Variants in GABBR2 observed in about 807,000 individuals in gnomAD.
GABBR2 encodes the protein gamma-aminobutyric acid type B receptor subunit 2, also known as G-protein coupled receptor 51.
GABBR2 carries 23 observed loss-of-function variants against 105.6 expected under a neutral mutation model. The observed-to-expected ratio is 0.22, with a 90% CI of 0.16 to 0.31. GABBR2 has a LOEUF of 0.31. Among genes scored for constraint, GABBR2 ranks in the 10% least tolerant of loss-of-function variants. The pLI is 1.00. For synonymous variants in GABBR2, 478 were observed against 499.7 expected (o/e 0.96, Z 0.58); for missense variants, 734 against 1,245.5 (o/e 0.59, Z 6.18).
intron 2 of GABBR2, among the ~76,000 whole-genome samples, chr9:98,547,486 T>C (rs1306620263): frequency 8.4e-6 from 1 of 119,028 alleles, no homozygotes; most frequent in African/African-American, 2.7e-5. Flanking sequence ...ATCTGTATGT[T>C]GTCTCCTCAT....
chr9:98,317,609 G>T (rs559672889), intron 13 of GABBR2, among the ~76,000 whole-genome samples: 62 of 152,212 alleles, frequency 4.1e-4, no homozygotes, highest in Admixed American at 8.5e-4. Flanking sequence ...ATGGGAGTCT[G>T]AGTCATTGGG....
chr9:98,364,383 T>C (rs1831640203), intron 12 of GABBR2, among the ~76,000 whole-genome samples: 1 of 152,208 alleles, frequency 6.6e-6, no homozygotes, highest in African/African-American at 2.4e-5. Flanking sequence ...CAGCTATTCC[T>C]GACCCCTGGA....
intron 7 of GABBR2, among the ~76,000 whole-genome samples, chr9:98,431,320 G>T (rs1402628601): frequency 6.6e-6 from 1 of 151,978 alleles, no homozygotes; most frequent in East Asian, 1.9e-4. Flanking sequence ...ATTTAATATG[G>T]CAAGAACTGA....
chr9:98,698,377 A>G (rs1403324833), intron 1 of GABBR2, among the ~76,000 whole-genome samples: 1 of 152,230 alleles, frequency 6.6e-6, no homozygotes. Flanking sequence ...TCAGAAAGGT[A>G]GAAAATCGGC....
At chr9:98,618,941 C>G (rs1164034889) in intron 1 of GABBR2, among the ~76,000 whole-genome samples, 1 of 152,150 alleles carries the variant, frequency 6.6e-6, no homozygotes, top group Non-Finnish European at 1.5e-5. Flanking sequence ...TAGTTTAGGC[C>G]TGGCCTGACT....
intron 7 of GABBR2, among the ~76,000 whole-genome samples, chr9:98,425,514 T>C (rs990975640): frequency 6.6e-6 from 1 of 152,198 alleles, no homozygotes; most frequent in Non-Finnish European, 1.5e-5. Flanking sequence ...TGTGCTGGGC[T>C]CTAGGTATAA....
chr9:98,553,433 A>C (rs1267731614), intron 2 of GABBR2, among the ~76,000 whole-genome samples: 1 of 151,976 alleles, frequency 6.6e-6, no homozygotes, highest in African/African-American at 2.4e-5. Context: ...ATCTCTACAA[A>C]AAAATGCAAA....
At chr9:98,295,251 A>G (rs1473474319) in intron 17 of GABBR2, among the ~76,000 whole-genome samples, 1 of 152,220 alleles carries the variant, frequency 6.6e-6, no homozygotes, top group African/African-American at 2.4e-5. Context: ...AAGGTGATGC[A>G]CTGCCTTAGC....
chr9:98,665,128 G>C (rs1189278848), intron 1 of GABBR2, among the ~76,000 whole-genome samples: 1 of 152,086 alleles, frequency 6.6e-6, no homozygotes, highest in Non-Finnish European at 1.5e-5. Flanking sequence ...AATTAGCCCA[G>C]TGTGGTGGCA....
At chr9:98,344,802 C>G (rs950691182) in intron 13 of GABBR2, among the ~76,000 whole-genome samples, 1 of 152,200 alleles carries the variant, frequency 6.6e-6, no homozygotes, top group Non-Finnish European at 1.5e-5. Context: ...ACTACACTCA[C>G]TCTCATGACT....
At chr9:98,363,053 T>C (rs940908512) in intron 12 of GABBR2, among the ~76,000 whole-genome samples, 2 of 152,098 alleles carry the variant, frequency 1.3e-5, no homozygotes, top group East Asian at 3.9e-4. Context: ...CCCAAACACA[T>C]ATGTGCATTT....
chr9:98,512,039 C>T (rs1396326739), intron 3 of GABBR2, among the ~76,000 whole-genome samples: 7 of 152,070 alleles, frequency 4.6e-5, no homozygotes, highest in African/African-American at 1.7e-4. Flanking sequence ...TCCAGCAGCA[C>T]ATCAAAAAGC....
chr9:98,312,093 G>C (rs992494769), intron 13 of GABBR2, among the ~76,000 whole-genome samples: 3 of 152,194 alleles, frequency 2.0e-5, no homozygotes, highest in Non-Finnish European at 4.4e-5. Flanking sequence ...GGATTCCCTT[G>C]CACAATCACA....
chr9:98,691,765 A>G (rs980145614), intron 1 of GABBR2, among the ~76,000 whole-genome samples: 2 of 152,142 alleles, frequency 1.3e-5, no homozygotes, highest in African/African-American at 2.4e-5. Context: ...CTCCTCCCAC[A>G]GGGTACTTCC....
Position 98,354,212 on chromosome 9 carries a change from C to T in GABBR2, c.1893+8503G>A, listed in dbSNP as rs553867295. On this transcript the variant is annotated intron_variant, in intron 13 of 18. Coordinates refer to ENST00000259455, the MANE Select transcript of GABBR2 (RefSeq NM_005458.8). ...AGGAAACCATGCTGTAACAGATGTG[C>T]TGTCATCCAGGCTTTGTTGTTCCAT... Among the ~76,000 whole-genome samples, 4 of 152,330 alleles carry T rather than the reference C, an allele frequency of 2.6e-5. No individual in the cohort carries two copies. In the East Asian group the frequency reaches 7.7e-4, roughly 29 times the overall value.
intron 13 of GABBR2, among the ~76,000 whole-genome samples, chr9:98,317,987 G>A (rs972316549): frequency 1.3e-5 from 2 of 152,238 alleles, no homozygotes; most frequent in African/African-American, 2.4e-5. Context: ...AGACCCGGCA[G>A]ATAAGAAATG....
intron 1 of GABBR2, among the ~76,000 whole-genome samples, chr9:98,706,906 A>G (rs749020824): frequency 6.6e-6 from 1 of 152,230 alleles, no homozygotes; most frequent in Non-Finnish European, 1.5e-5. Flanking sequence ...TGAGATGCTC[A>G]GGCAAAGACG....
chr9:98,600,374 C>T (rs1829311817), intron 1 of GABBR2, among the ~76,000 whole-genome samples: 1 of 152,142 alleles, frequency 6.6e-6, no homozygotes, highest in Non-Finnish European at 1.5e-5. Flanking sequence ...ACCCCAAATC[C>T]CAACCTCCAC....
intron 7 of GABBR2, among the ~76,000 whole-genome samples, chr9:98,427,731 CCG>C (rs1199671153): frequency 0.07 from 4,561 of 64,840 alleles, 136 homozygotes; most frequent in East Asian, 0.3. Context: ...AAGCCAGCCA[CCG>C]TATCATGAAG....
Sources: allele counts gnomAD v4.1 joint callset (sites outside exome capture counted in the v4.1 genomes callset), GRCh38; gene constraint gnomAD v4.1.1; transcripts MANE v1.5; gene names NCBI Gene and HGNC (gene_info 2026-07-23, HGNC 2026-07-21).